Variants in PDZD2 observed in about 807,000 individuals in gnomAD.
PDZD2 encodes the protein PDZ domain containing 2.
Under a neutral mutation model 220.7 loss-of-function variants are expected in PDZD2, and 90 were observed. The observed-to-expected ratio is 0.41, with a 90% CI of 0.34 to 0.49. The LOEUF is 0.49. Ranked by LOEUF, PDZD2 falls within the 20% of genes least tolerant of loss-of-function variation. PDZD2 has a pLI of 0.28. For missense variants in PDZD2, 3,174 were observed against 3,608.5 expected (o/e 0.88, Z 3.08); for synonymous variants, 1,375 against 1,450.5 (o/e 0.95, Z 1.18).
intron 1 of PDZD2, among the ~76,000 whole-genome samples, chr5:31,685,436 G>A (rs148857382): frequency 1.1e-4 from 17 of 152,292 alleles, no homozygotes; most frequent in African/African-American, 3.8e-4. Context: ...AGAGTAAAAT[G>A]AACCTTCTTG....
At chr5:31,975,579 G>A (rs1006938258) in intron 2 of PDZD2, among the ~76,000 whole-genome samples, 3 of 152,164 alleles carry the variant, frequency 2.0e-5, no homozygotes, top group Admixed American at 6.5e-5. Context: ...TAGAGGAGGT[G>A]AGAAGTAGTT....
chr5:31,891,309 G>T (rs1367359247), intron 2 of PDZD2, among the ~76,000 whole-genome samples: 1 of 148,764 alleles, frequency 6.7e-6, no homozygotes, highest in Non-Finnish European at 1.5e-5. Flanking sequence ...GCTAATTTTT[G>T]TATTTTTATT....
intron 2 of PDZD2, among the ~76,000 whole-genome samples, chr5:31,814,205 T>G (rs977956730): frequency 5.9e-5 from 9 of 152,148 alleles, no homozygotes; most frequent in Non-Finnish European, 1.2e-4. Context: ...AACAGTAGCT[T>G]TAACTAGAAT....
At chr5:31,946,029 GTCTCCC>G in intron 2 of PDZD2, among the ~76,000 whole-genome samples, 1 of 152,130 alleles carries the variant, frequency 6.6e-6, no homozygotes, top group East Asian at 1.9e-4. Flanking sequence ...TTGAGATGGA[GTCTCCC>G]TCTGTCACCC....
At chr5:32,004,878 A>G (rs1031221818) in intron 5 of PDZD2, among the ~76,000 whole-genome samples, 12 of 152,332 alleles carry the variant, frequency 7.9e-5, no homozygotes, top group Middle Eastern at 3.4e-3. Context: ...TGTCCATCCA[A>G]GTTCTCAATC....
At chr5:31,817,799 G>C (rs1209357597) in intron 2 of PDZD2, among the ~76,000 whole-genome samples, 1 of 151,898 alleles carries the variant, frequency 6.6e-6, no homozygotes, top group Non-Finnish European at 1.5e-5. Flanking sequence ...AGGTAGCTGG[G>C]ACTACTGGCA....
chr5:31,769,236 A>G (rs560852222), intron 1 of PDZD2, among the ~76,000 whole-genome samples: 1 of 152,252 alleles, frequency 6.6e-6, no homozygotes, highest in South Asian at 2.1e-4. Context: ...AGCTGAACAA[A>G]CCTGGATCGA....
intron 24 of PDZD2, among the ~76,000 whole-genome samples, chr5:32,106,695 A>G (rs1018605330): frequency 2.6e-5 from 4 of 152,214 alleles, no homozygotes; most frequent in African/African-American, 9.7e-5. Flanking sequence ...AACACTCACA[A>G]AATTCTTTTG....
intron 7 of PDZD2, among the ~76,000 whole-genome samples, chr5:32,043,068 T>A (rs1317321825): frequency 1.3e-5 from 2 of 152,172 alleles, no homozygotes; most frequent in Admixed American, 6.5e-5. Context: ...TTCTGGGGAA[T>A]CTTGAAAAGA....
Position 31,639,218 on chromosome 5 carries a change from G to A in PDZD2, c.-580G>A, listed in dbSNP as rs958168283. ...GCCCCGGGCAGCGGGACGCGGCGGG[G>A]CGGCGGCTGCAGGCAGCCGAGGAGC... On this transcript the variant is annotated 5_prime_UTR_variant, in exon 1 of 25. Coordinates refer to ENST00000438447, the MANE Select transcript of PDZD2 (RefSeq NM_178140.4). The surrounding 1 kb of genome is among the most constrained non-coding windows in gnomAD (Gnocchi z 4.1). Among the ~76,000 whole-genome samples the A allele has an allele frequency of 3.3e-5, 5 of 151,690 alleles. No homozygotes were observed. The highest frequency in any genetic ancestry group is 7.4e-5 in the Non-Finnish European group (5 of 67,866).
chr5:31,800,185 TCA>T, intron 2 of PDZD2, among the ~76,000 whole-genome samples: 1 of 152,264 alleles, frequency 6.6e-6, no homozygotes, highest in African/African-American at 2.4e-5. Context: ...TAACTAGGAC[TCA>T]CAAACTCAGA....
intron 16 of PDZD2, 152 bp from the exon 17 acceptor site, chr5:32,072,009 T>C: frequency 1.8e-6 from 1 of 565,374 alleles, no homozygotes; most frequent in Non-Finnish European, 3.1e-6. Flanking sequence ...TTAGCCGTTC[T>C]GAGGTACATG....
At chr5:31,796,685 C>T (rs1412361885) in intron 1 of PDZD2, among the ~76,000 whole-genome samples, 3 of 152,120 alleles carry the variant, frequency 2.0e-5, no homozygotes, top group African/African-American at 7.2e-5. Context: ...ATTTATGTAT[C>T]TCCCCACTAG....
chr5:31,931,832 G>A (rs1012026414), intron 2 of PDZD2, among the ~76,000 whole-genome samples: 7 of 152,012 alleles, frequency 4.6e-5, no homozygotes, highest in South Asian at 2.1e-4. Context: ...TGCTGCCGGC[G>A]TTGTGTGAGT....
At chr5:31,862,100 G>GT (rs1561519283) in intron 2 of PDZD2, among the ~76,000 whole-genome samples, 1 of 80,282 alleles carries the variant, frequency 1.2e-5, no homozygotes. Flanking sequence ...TTTTTTTTTG[G>GT]GTTTTTTTTT....
chr5:31,768,807 G>A (rs1752177753), intron 1 of PDZD2, among the ~76,000 whole-genome samples: 1 of 152,176 alleles, frequency 6.6e-6, no homozygotes, highest in South Asian at 2.1e-4. Context: ...GGACAGCGGT[G>A]GAGGGGTAAG....
intron 2 of PDZD2, among the ~76,000 whole-genome samples, chr5:31,886,078 T>C (rs556345138): frequency 8.5e-5 from 13 of 152,262 alleles, no homozygotes; most frequent in African/African-American, 3.1e-4. Context: ...TTTGTATTTT[T>C]AGTAGAGACA....
Position 32,000,196 on chromosome 5 carries a change from C to G in PDZD2, c.1179C>G (p.Val393=), listed in dbSNP as rs372606333. The stretch of plus-strand genomic sequence containing the variant: ...TGGTAATCAATGGTCATTTACTGGT[C>G]GGGCTCTCCCACGAGGAAGCAGTGG... The part of the protein sequence containing the change: ...ELLVINGHLL[V]GLSHEEAVAI... The change falls in exon 5 of 25, where the codon GTC becomes GTG. Residue 393 remains valine (V), a synonymous_variant. Coordinates refer to ENST00000438447, the MANE Select transcript of PDZD2 (RefSeq NM_178140.4). The surrounding 1 kb of genome is among the most constrained non-coding windows in gnomAD (Gnocchi z 4.5). 1.2e-6 allele frequency: 2 copies of G among 1,613,786 alleles called. No homozygotes were observed. Among genetic ancestry groups the G allele is most frequent in the Non-Finnish European group, 1.7e-6 (2 of 1,179,816 alleles).
intron 1 of PDZD2, among the ~76,000 whole-genome samples, chr5:31,739,294 T>C (rs933805925): frequency 6.6e-6 from 1 of 152,208 alleles, no homozygotes; most frequent in Non-Finnish European, 1.5e-5. Context: ...TGATTCGTTG[T>C]CTTTAAATAC....
Sources: gnomAD v4.1 joint callset for allele counts (sites outside exome capture counted in the v4.1 genomes callset) on GRCh38, gnomAD v4.1.1 for gene constraint, Gnocchi (gnomAD v3.1) non-coding constraint, MANE v1.5 for transcripts, NCBI Gene and HGNC (gene_info 2026-07-23, HGNC 2026-07-21) for gene names.